CSRNP3: variants seen among roughly 807,000 people sequenced by gnomAD.
The protein encoded by CSRNP3 is cysteine and serine rich nuclear protein 3, also known as cysteine/serine-rich nuclear protein 3.
Under a neutral mutation model 48.0 loss-of-function variants are expected in CSRNP3, and 12 were observed. That is an observed-to-expected ratio of 0.25 (90% CI 0.16 to 0.41). The LOEUF is 0.41. Ranked by LOEUF, CSRNP3 falls within the 10% of genes least tolerant of loss-of-function variation. The pLI, the probability that CSRNP3 is intolerant of heterozygous loss-of-function variation, is 1.00. For missense variants in CSRNP3, 580 were observed against 724.4 expected, an observed-to-expected ratio of 0.80 and a Z score of 2.29; for synonymous variants, 263 against 269.7, an observed-to-expected ratio of 0.98 and a Z score of 0.24.
intron 1 of CSRNP3, among the ~76,000 whole-genome samples, chr2:165,492,351 G>A (rs1025457919): frequency 1.3e-4 from 20 of 152,024 alleles, no homozygotes; most frequent in Admixed American, 5.2e-4. Context: ...TAGAGAAATA[G>A]CCAAAGTCCT....
At chr2:165,645,951 C>T (rs942522033) in intron 4 of CSRNP3, among the ~76,000 whole-genome samples, 1 of 151,530 alleles carries the variant, frequency 6.6e-6, no homozygotes, top group Non-Finnish European at 1.5e-5. Flanking sequence ...CACCATATTC[C>T]CCAGGCTAGT....
rs1463996222 is a variant in CSRNP3, at chr2:165,688,018, C to T, written c.*8265C>T. ...GTGTGGTTACTCCCCACAAATAACACTAGGGGGAAATGACCTTTTTTATTT... is the reference window on the plus strand; with the variant it reads ...GTGTGGTTACTCCCCACAAATAACATTAGGGGGAAATGACCTTTTTTATTT... On this transcript the variant is annotated 3_prime_UTR_variant, in exon 7 of 7. Coordinates refer to ENST00000651982, the MANE Select transcript of CSRNP3 (RefSeq NM_001172173.2). 1.4e-5 allele frequency: 2 copies of T among 144,252 alleles called. No homozygotes were observed. The highest frequency in any genetic ancestry group is 3.0e-5 in the Non-Finnish European group (2 of 66,398). 8.9% of individuals were successfully genotyped at this position (144,252 alleles called of 1,614,324 possible).
At chr2:165,644,310 C>T (rs79991710) in intron 4 of CSRNP3, among the ~76,000 whole-genome samples, 11,203 of 152,056 alleles carry the variant, frequency 0.074, 580 homozygotes, top group East Asian at 0.14. Flanking sequence ...AAAAATACCC[C>T]AGGAAAACAG....
intron 2 of CSRNP3, among the ~76,000 whole-genome samples, chr2:165,513,282 A>G (rs1489354927): frequency 3.3e-5 from 5 of 152,172 alleles, no homozygotes; most frequent in Admixed American, 2.6e-4. Flanking sequence ...TGCAGATGCA[A>G]TTGAACTATT....
chr2:165,686,629 T>A lies in CSRNP3; in HGVS notation c.*6876T>A, dbSNP rs1048634031. The A allele has an allele frequency of 4.6e-5, 7 of 152,086 alleles. No individual in the cohort carries two copies. The highest frequency in any genetic ancestry group is 1.7e-4 in the African/African-American group (7 of 41,408). The allele number at this position is 152,086 out of a possible 1,614,324, so 9.4% of individuals were successfully genotyped here. A position where few individuals can be genotyped will look rare whatever the true frequency, so the allele number is the denominator to read the frequency against. ...TTGTTGTTTTTTAATTTATTTAGTG[T>A]TGATCCTTGAGTTATTTAATGGTAT... is the stretch of plus-strand genomic sequence containing the variant. On this transcript the variant is annotated 3_prime_UTR_variant, in exon 7 of 7. Coordinates refer to ENST00000651982, the MANE Select transcript of CSRNP3 (RefSeq NM_001172173.2).
At chr2:165,595,005 A>G in intron 3 of CSRNP3, 38 bp from the exon 4 acceptor site, 1 of 1,585,688 alleles carries the variant, frequency 6.3e-7, no homozygotes, top group Non-Finnish European at 8.6e-7. Context: ...TCAGCGGTCA[A>G]ATATTTCAAT....
intron 1 of CSRNP3, among the ~76,000 whole-genome samples, chr2:165,475,002 A>G (rs933952998): frequency 6.6e-6 from 1 of 152,310 alleles, no homozygotes; most frequent in Non-Finnish European, 1.5e-5. Context: ...TTTAATAATG[A>G]AACAAATAGT....
At chr2:165,634,610 G>C (rs193228192) in intron 4 of CSRNP3, among the ~76,000 whole-genome samples, 2 of 152,286 alleles carry the variant, frequency 1.3e-5, no homozygotes, top group African/African-American at 4.8e-5. Context: ...TGAGTAAATA[G>C]CTTACGGAAG....
chr2:165,587,699 G>T (rs891141835), intron 3 of CSRNP3, among the ~76,000 whole-genome samples: 9 of 152,174 alleles, frequency 5.9e-5, no homozygotes, highest in Non-Finnish European at 1.2e-4. Context: ...AACTAGTCCA[G>T]TGTTTTCCCA....
At chr2:165,582,294 C>G (rs1395035373) in intron 3 of CSRNP3, among the ~76,000 whole-genome samples, 1 of 152,210 alleles carries the variant, frequency 6.6e-6, no homozygotes, top group East Asian at 1.9e-4. Context: ...TCACTAAATG[C>G]TAACTGGAGT....
intron 3 of CSRNP3, among the ~76,000 whole-genome samples, chr2:165,553,796 G>A (rs560156206): frequency 6.6e-6 from 1 of 152,066 alleles, no homozygotes; most frequent in African/African-American, 2.4e-5. Flanking sequence ...AGACACTGCA[G>A]CAGATGCCTC....
chr2:165,513,620 A>T (rs1165737116), intron 2 of CSRNP3, among the ~76,000 whole-genome samples: 1 of 152,232 alleles, frequency 6.6e-6, no homozygotes, highest in Admixed American at 6.5e-5. Flanking sequence ...AGTCAATGCT[A>T]TCATTGGGAT....
rs1687638990 is a variant in CSRNP3 at position 165,686,880 on chromosome 2, T to G, written c.*7127T>G. ...CTGGAAAGTTTGAGATTCTTCTATA[T>G]TCTTCAAATTTATGGTCCTGAGACT... is the stretch of plus-strand genomic sequence containing the variant. On this transcript the variant is annotated 3_prime_UTR_variant, in exon 7 of 7. Coordinates refer to ENST00000651982, the MANE Select transcript of CSRNP3 (RefSeq NM_001172173.2). 6.6e-6 allele frequency: 1 copy of G among 152,020 alleles called. No homozygotes were observed. Among genetic ancestry groups the G allele is most frequent in the Non-Finnish European group, 1.5e-5 (1 of 67,956 alleles). The allele number at this position is 152,020 out of a possible 1,614,324, so 9.4% of individuals were successfully genotyped here. A position where few individuals can be genotyped will look rare whatever the true frequency, so the allele number is the denominator to read the frequency against.
chr2:165,617,632 T>C (rs889887834), intron 4 of CSRNP3, among the ~76,000 whole-genome samples: 4 of 152,166 alleles, frequency 2.6e-5, no homozygotes, highest in African/African-American at 9.7e-5. Flanking sequence ...CTAGCAGTGG[T>C]TATAGCAACC....
intron 4 of CSRNP3, among the ~76,000 whole-genome samples, chr2:165,602,390 C>T (rs988665673): frequency 3.9e-5 from 6 of 152,176 alleles, no homozygotes; most frequent in African/African-American, 1.4e-4. Context: ...TGGAAAACAA[C>T]CAATTAGCTT....
chr2:165,599,464 A>AT (rs1474052926), intron 4 of CSRNP3, among the ~76,000 whole-genome samples: 3 of 151,870 alleles, frequency 2.0e-5, no homozygotes, highest in Non-Finnish European at 2.9e-5. Flanking sequence ...CAATTCTTGT[A>AT]TTTTTTTGTA....
chr2:165,520,236 T>A (rs1020124984), intron 3 of CSRNP3, among the ~76,000 whole-genome samples: 12 of 152,204 alleles, frequency 7.9e-5, no homozygotes, highest in African/African-American at 2.9e-4. Context: ...AGGGTTTTTT[T>A]ATGGTAATCT....
intron 2 of CSRNP3, among the ~76,000 whole-genome samples, chr2:165,500,505 A>G (rs1425340578): frequency 6.6e-6 from 1 of 151,280 alleles, no homozygotes; most frequent in Non-Finnish European, 1.5e-5. Flanking sequence ...GCTGGAGTGC[A>G]GTGGCACCAT....
At chr2:165,653,102 T>C (rs1382510854) in intron 4 of CSRNP3, among the ~76,000 whole-genome samples, 2 of 152,158 alleles carry the variant, frequency 1.3e-5, no homozygotes, top group African/African-American at 4.8e-5. Context: ...TATGACTTCA[T>C]TTTGTGATGT....
Sources: gnomAD v4.1 joint callset for allele counts (sites outside exome capture counted in the v4.1 genomes callset) on GRCh38, gnomAD v4.1.1 for gene constraint, MANE v1.5 for transcripts, NCBI Gene and HGNC (gene_info 2026-07-23, HGNC 2026-07-21) for gene names.